C3orf85: variants seen among roughly 807,000 people sequenced by gnomAD.
The protein encoded by C3orf85 is uncharacterized protein C3orf85.
C3orf85 carries 1 observed loss-of-function variant against 1.7 expected under a neutral mutation model. The ratio of observed to expected loss-of-function variants is 0.60; its 90% CI spans 0.21 to 2.86. The LOEUF (loss-of-function observed/expected upper bound fraction) is 2.86. C3orf85 is among the 30% of genes most tolerant of loss of function. C3orf85 has a pLI of 0.22. For missense variants in C3orf85, 29 were observed against 21.3 expected (o/e 1.36, Z -0.72); for synonymous variants, 17 against 8.0 (o/e 2.13, Z -1.90).
At chr3:109,147,934 C>T (rs1271500790) in intron 2 of C3orf85, among the ~76,000 whole-genome samples, 1 of 152,168 alleles carries the variant, frequency 6.6e-6, no homozygotes, top group Non-Finnish European at 1.5e-5. Flanking sequence ...AAGCAACTTT[C>T]CCCGAAAAGT....
chr3:109,141,888 G>A (rs966445522), intron 2 of C3orf85, among the ~76,000 whole-genome samples: 8 of 152,166 alleles, frequency 5.3e-5, no homozygotes, highest in Non-Finnish European at 1.0e-4. Context: ...AATTAGCCAG[G>A]CGTGGTGGTG....
intron 2 of C3orf85, among the ~76,000 whole-genome samples, chr3:109,144,334 A>T (rs1011217449): frequency 6.6e-6 from 1 of 152,226 alleles, no homozygotes; most frequent in Non-Finnish European, 1.5e-5. Context: ...CAGCCCTGCC[A>T]CTGACTTACT....
intron 2 of C3orf85, among the ~76,000 whole-genome samples, chr3:109,142,982 G>A (rs936899737): frequency 1.3e-5 from 2 of 152,224 alleles, no homozygotes; most frequent in Admixed American, 6.5e-5. Flanking sequence ...ATTGCAGGTT[G>A]CAGAACCAGA....
At chr3:109,149,712 C>T (rs1012366449) in intron 3 of C3orf85, 93 bp from the exon 4 acceptor site, 6 of 395,370 alleles carry the variant, frequency 1.5e-5, no homozygotes, top group Non-Finnish European at 2.7e-5. Context: ...TTTTTCTCAT[C>T]TTTTAGGAAT....
chr3:109,146,066 GTCT>G (rs1398131221), intron 2 of C3orf85, among the ~76,000 whole-genome samples: 1 of 152,146 alleles, frequency 6.6e-6, no homozygotes, highest in African/African-American at 2.4e-5. Flanking sequence ...GATCAAATAT[GTCT>G]TCTTCTAATT....
rs751674362 is a variant in C3orf85, at chr3:109,137,637, G to GTGTA, written c.49+742_49+743insGTAT. On this transcript the variant is annotated intron_variant, in intron 2 of 3. Transcript: ENST00000622536. ...TGTATATATGTGTGTGTGTGTGTGTGTATATATATATATATATATATATAT... is the reference window on the plus strand; with the variant it reads ...TGTATATATGTGTGTGTGTGTGTGTGTGTATATATATATATATATATATATATAT... Among the ~76,000 whole-genome samples the GTGTA allele has an allele frequency of 5.7e-3, 455 of 79,884 alleles. 1 individual carries two copies. The highest frequency in any genetic ancestry group is 0.012 in the South Asian group (21 of 1,778). The allele number at this position is 79,884 out of a possible 152,430, so 52.4% of individuals were successfully genotyped here. A position where few individuals can be genotyped will look rare whatever the true frequency, so the allele number is the denominator to read the frequency against.
chr3:109,151,253 C>G lies in C3orf85; in HGVS notation c.*1359C>G, dbSNP rs1466897518. On this transcript the variant is annotated 3_prime_UTR_variant, in exon 4 of 4. Coordinates refer to ENST00000622536, the MANE Select transcript of C3orf85 (RefSeq NM_001351622.2). ...ACCAATAATATACATTTTACTAACACAAAGTTTCATTCTTTAATTATTTAA... is the reference window on the plus strand; with the variant it reads ...ACCAATAATATACATTTTACTAACAGAAAGTTTCATTCTTTAATTATTTAA... 6.6e-6 allele frequency among the ~76,000 whole-genome samples: 1 copy of G among 152,060 alleles called. No individual in the cohort carries two copies. The highest frequency in any genetic ancestry group is 6.6e-5 in the Admixed American group (1 of 15,260).
rs951609555 is a variant in C3orf85 at position 109,137,965 on chromosome 3, G to A, written c.49+1069G>A. On this transcript the variant is annotated intron_variant, in intron 2 of 3. Transcript: ENST00000622536. Reference sequence around the variant, plus strand: ...AATGCTTTGCTTTGACCACTGATCCGTGCAGTTGACTTTAGAGGGGGTAAC... The same window carrying A: ...AATGCTTTGCTTTGACCACTGATCCATGCAGTTGACTTTAGAGGGGGTAAC... 2.0e-5 allele frequency among the ~76,000 whole-genome samples: 3 copies of A among 152,052 alleles called. No individual in the cohort carries two copies. The South Asian group carries it at 6.2e-4, about 32-fold the overall frequency.
chr3:109,149,002 A>T (rs1706833524), intron 3 of C3orf85: 1 of 152,202 alleles, frequency 6.6e-6, no homozygotes. Context: ...AACAAAGAAG[A>T]AATTTGCATT....
intron 3 of C3orf85, chr3:109,149,043 A>G (rs569728790): frequency 8.5e-5 from 13 of 152,324 alleles, no homozygotes; most frequent in Admixed American, 8.5e-4. Context: ...TACTTTTCTG[A>G]TAGAAGAAGA....
intron 2 of C3orf85, among the ~76,000 whole-genome samples, chr3:109,138,172 T>TATAAAG (rs1428906740): frequency 6.6e-6 from 1 of 152,228 alleles, no homozygotes; most frequent in Non-Finnish European, 1.5e-5. Flanking sequence ...CAAATATGTC[T>TATAAAG]ACCTATAAAG....
intron 2 of C3orf85, among the ~76,000 whole-genome samples, chr3:109,139,831 C>A (rs913391123): frequency 2.6e-5 from 4 of 152,098 alleles, no homozygotes; most frequent in Non-Finnish European, 4.4e-5. Context: ...TCTGTTTTTC[C>A]TCTGGTAGTT....
intron 2 of C3orf85, among the ~76,000 whole-genome samples, chr3:109,145,264 A>G (rs1706785799): frequency 1.3e-5 from 2 of 152,228 alleles, no homozygotes; most frequent in African/African-American, 4.8e-5. Context: ...GTATATATAC[A>G]TATATATTAA....
At chr3:109,148,697 A>G (rs1183892124) in intron 3 of C3orf85, 1 of 305,036 alleles carries the variant, frequency 3.3e-6, no homozygotes, top group Admixed American at 4.8e-5. Context: ...AATTGGAATT[A>G]CTTGTTTTGT....
Position 109,148,351 on chromosome 3 carries a change from A to G in C3orf85, c.148A>G (p.Ser50Gly). The change falls in exon 3 of 4, where the codon AGT becomes GGT. Residue 50 changes from serine to glycine, a missense_variant. Transcript: ENST00000622536. Reference sequence around the variant, plus strand: ...GCAGGATTACTGGGACCCAGATCACAGTTCAGATGTGTGGGTAAACACACT... The same window carrying G: ...GCAGGATTACTGGGACCCAGATCACGGTTCAGATGTGTGGGTAAACACACT... ...NLQDYWDPDH[S>G]SDVWVNTLAK... 1 of 702,790 alleles carries G rather than the reference A, an allele frequency of 1.4e-6. No homozygotes were observed. The highest frequency in any genetic ancestry group is 2.6e-6 in the Non-Finnish European group (1 of 384,798). 43.5% of individuals were successfully genotyped at this position (702,790 alleles called of 1,614,324 possible).
chr3:109,148,467 A>G (rs1706825334), intron 3 of C3orf85, 81 bp downstream of exon 3: 1 of 696,966 alleles, frequency 1.4e-6, no homozygotes, highest in East Asian at 2.7e-5. Flanking sequence ...TAATTAACAC[A>G]TGACTAGCCT....
rs114952680 is a variant in C3orf85, at chr3:109,148,162, C to T, written c.50-91C>T. 6.9e-5 allele frequency: 43 copies of T among 619,616 alleles called. No homozygotes were observed. The African/African-American group carries it at 7.7e-4, about 11-fold the overall frequency. 38.4% of individuals were successfully genotyped at this position (619,616 alleles called of 1,614,324 possible). On this transcript the variant is annotated intron_variant, in intron 2 of 3. Transcript: ENST00000622536. ...TTTCCTCCTCAGGCCCCCAGCCTAC[C>T]AAAGATCACAGCTGGGTCTCTTGAA...
chr3:109,142,931 G>A (rs1706756526), intron 2 of C3orf85, among the ~76,000 whole-genome samples: 1 of 152,166 alleles, frequency 6.6e-6, no homozygotes, highest in Admixed American at 6.5e-5. Flanking sequence ...TACATAAAGG[G>A]CCTGATGACT....
At chr3:109,147,362 C>G (rs1025145656) in intron 2 of C3orf85, among the ~76,000 whole-genome samples, 1 of 152,124 alleles carries the variant, frequency 6.6e-6, no homozygotes, top group Non-Finnish European at 1.5e-5. Context: ...GAAGGTTGGT[C>G]AACAGAGGAC....
Sources: gnomAD v4.1 joint callset for allele counts (sites outside exome capture counted in the v4.1 genomes callset) on GRCh38, gnomAD v4.1.1 for gene constraint, MANE v1.5 for transcripts, NCBI Gene and HGNC (gene_info 2026-07-23, HGNC 2026-07-21) for gene names.